The following EDA variants were observed in gnomAD, a reference collection of about 807,000 sequenced individuals.
EDA encodes the protein ectodysplasin A.
A neutral mutation model predicts 23.6 loss-of-function variants in EDA; 2 were observed. That is an observed-to-expected ratio of 0.08 (90% confidence interval 0.03 to 0.27). The LOEUF (loss-of-function observed/expected upper bound fraction) is 0.27, where lower values mean the gene tolerates loss of function less well. Ranked by LOEUF, EDA falls within the 10% of genes least tolerant of loss-of-function variation. The probability of loss-of-function intolerance (pLI) is 1.00; values close to 1 mark genes in which losing one functional copy is unlikely to be tolerated. For missense variants in EDA, 229 were observed against 324.2 expected (o/e 0.71, Z 2.26); for synonymous variants, 131 against 132.0 (o/e 0.99, Z 0.05).
chrX:69,991,917 C>T (rs1423197886), intron 2 of EDA, among the ~76,000 whole-genome samples: 2 of 111,817 alleles, frequency 1.8e-5, no homozygotes, highest in Non-Finnish European at 3.8e-5. Context: ...GGCACTGCTG[C>T]TGCAAGAGAA....
chrX:69,932,097 G>A lies in EDA; in HGVS notation c.397-24930G>A, dbSNP rs2018606138. 3.6e-5 allele frequency among the ~76,000 whole-genome samples: 4 copies of A among 111,835 alleles called. 1 individual carries two copies. Among genetic ancestry groups the A allele is most frequent in the Admixed American group, 2.9e-4 (3 of 10,525 alleles). On this transcript the variant is annotated intron_variant, in intron 1 of 7. Transcript: ENST00000374552. ...AGAAAGAAGCCCGACAAAGTATCTT[G>A]TGTGATGCTATTTATATAAAATTCT...
At position 70,023,144 on chromosome X, in the gene EDA, A is replaced by C. The variant is rs1029542680; in HGVS notation, c.503-74A>C. 1.1e-5 allele frequency: 8 copies of C among 713,818 alleles called. No homozygotes were observed. The African/African-American group carries it at 1.7e-4, about 15-fold the overall frequency. 58.8% of individuals were successfully genotyped at this position (713,818 alleles called of 1,213,427 possible). On this transcript the variant is annotated intron_variant, in intron 2 of 7. Transcript: ENST00000374552. ...TTGCAGTGTCTTGGGGATCCCTCCT[A>C]GTGACTATCTTAGAAAATAAACATT...
In EDA at chrX:69,787,072, T is replaced by C. The variant is rs865899757; in HGVS notation, c.397-169955T>C. 5.4e-3 allele frequency among the ~76,000 whole-genome samples: 562 copies of C among 103,772 alleles called. 7 individuals are homozygous for C. The highest frequency in any genetic ancestry group is 0.019 in the African/African-American group (544 of 29,127). 90.1% of individuals were successfully genotyped at this position (103,772 alleles called of 115,157 possible). ...GGCCTTCTTTGTCTCTTTTGATCTT[T>C]GTTGGTTTGAAGTCTGTTTTATCAG... is the stretch of plus-strand genomic sequence containing the variant. On this transcript the variant is annotated intron_variant, in intron 1 of 7. Coordinates refer to ENST00000374552, the MANE Select transcript of EDA (RefSeq NM_001399.5).
At chrX:69,840,680 T>C (rs2016876035) in intron 1 of EDA, among the ~76,000 whole-genome samples, 1 of 112,316 alleles carries the variant, frequency 8.9e-6, no homozygotes, top group Admixed American at 9.5e-5. Context: ...CAAAATTCCA[T>C]GTACTAGATA....
chrX:69,919,627 A>G (rs1305502737), intron 1 of EDA, among the ~76,000 whole-genome samples: 1 of 111,940 alleles, frequency 8.9e-6, no homozygotes, highest in Non-Finnish European at 1.9e-5. Flanking sequence ...GCCATACAAG[A>G]GCCCTTCCTT....
At chrX:69,876,581 C>A (rs1251584557) in intron 1 of EDA, among the ~76,000 whole-genome samples, 1 of 111,667 alleles carries the variant, frequency 9.0e-6, no homozygotes, top group East Asian at 2.8e-4. Flanking sequence ...TCCCAGAGAT[C>A]TTTTTATAGT....
intron 1 of EDA, among the ~76,000 whole-genome samples, chrX:69,659,149 T>G (rs1397394086): frequency 1.8e-5 from 2 of 112,361 alleles, no homozygotes; most frequent in African/African-American, 6.5e-5. Context: ...CTCCATGTAT[T>G]AAATCAGAGT....
chrX:69,911,796 C>G (rs1158512211), intron 1 of EDA, among the ~76,000 whole-genome samples: 2 of 112,246 alleles, frequency 1.8e-5, no homozygotes, highest in African/African-American at 6.5e-5. Flanking sequence ...ATCAGCTGAG[C>G]CTTCAGTCAT....
chrX:69,894,342 T>C (rs1410341805), intron 1 of EDA, among the ~76,000 whole-genome samples: 1 of 111,858 alleles, frequency 8.9e-6, no homozygotes, highest in African/African-American at 3.3e-5. Context: ...GGTAAGGTGA[T>C]GCCTCTAGCT....
Position 70,034,335 on chromosome X carries a change from G to A in EDA, c.924+807G>A, listed in dbSNP as rs756952462. ...AAGGTGGGCTAACAAGCATCTGCTA[G>A]GCACACTGAGCACCCCGCTGTAGCT... On this transcript the variant is annotated intron_variant, in intron 7 of 7. Coordinates refer to ENST00000374552, the MANE Select transcript of EDA (RefSeq NM_001399.5). 3.8e-4 allele frequency among the ~76,000 whole-genome samples: 43 copies of A among 111,854 alleles called. 1 individual carries two copies. Among genetic ancestry groups the A allele is most frequent in the Admixed American group, 2.1e-3 (22 of 10,531 alleles).
chrX:69,917,946 C>A (rs2147661494), intron 1 of EDA, among the ~76,000 whole-genome samples: 1 of 110,224 alleles, frequency 9.1e-6, no homozygotes, highest in South Asian at 3.9e-4. Context: ...GCTTAGTAAC[C>A]ATTTGTTAAC....
In EDA at chrX:69,789,595, T is replaced by A. The variant is rs192135044; in HGVS notation, c.397-167432T>A. Among the ~76,000 whole-genome samples, 125 of 112,260 alleles carry A rather than the reference T, an allele frequency of 1.1e-3. 1 individual carries two copies. The highest frequency in any genetic ancestry group is 2.4e-3 in the Admixed American group (25 of 10,633). On this transcript the variant is annotated intron_variant, in intron 1 of 7. Transcript: ENST00000374552. ...ATTCCCAAACTCATTGTCCTTTACTTAGTCCTCATTCTTCATGAATTTGAT... is the reference window on the plus strand; with the variant it reads ...ATTCCCAAACTCATTGTCCTTTACTAAGTCCTCATTCTTCATGAATTTGAT...
rs183243858 is a variant in EDA, at chrX:70,023,213, T to C, written c.503-5T>C. Reference sequence around the variant, plus strand: ...ACTTAATTATCTATTTTATTTTTCTTATAGGCCCAGTTAAAAACAAGAAAA... The same window carrying C: ...ACTTAATTATCTATTTTATTTTTCTCATAGGCCCAGTTAAAAACAAGAAAA... On this transcript the variant is annotated splice_region_variant and splice_polypyrimidine_tract_variant and intron_variant, in intron 2 of 7. Transcript: ENST00000374552. The C allele has an allele frequency of 1.9e-5, 21 of 1,080,514 alleles. No individual in the cohort carries two copies. The highest frequency in any genetic ancestry group is 2.7e-5 in the Non-Finnish European group (21 of 781,714). 89.0% of individuals were successfully genotyped at this position (1,080,514 alleles called of 1,213,427 possible).
intron 2 of EDA, among the ~76,000 whole-genome samples, chrX:70,020,523 CA>C (rs2020018017): frequency 9.3e-6 from 1 of 107,879 alleles, no homozygotes; most frequent in Non-Finnish European, 1.9e-5. Flanking sequence ...CGCACCACTA[CA>C]CTCCAGCCTG....
chrX:69,849,080 TATACACACACACACACACAC>T (rs1375160272), intron 1 of EDA, among the ~76,000 whole-genome samples: 30,776 of 84,534 alleles, frequency 0.36, 4,435 homozygotes, highest in Middle Eastern at 0.62. Context: ...ACAAAGTCTA[TATACACACACACACACACAC>T]ACACACACAC....
At chrX:69,989,594 A>C in intron 2 of EDA, among the ~76,000 whole-genome samples, 1 of 111,954 alleles carries the variant, frequency 8.9e-6, no homozygotes, top group South Asian at 3.7e-4. Flanking sequence ...AATCCATAAT[A>C]AAAATTATCT....
intron 1 of EDA, among the ~76,000 whole-genome samples, chrX:69,626,417 T>C (rs1932388232): frequency 8.9e-6 from 1 of 111,913 alleles, no homozygotes; most frequent in Non-Finnish European, 1.9e-5. Flanking sequence ...ATGTCTGATG[T>C]GGTATAATGT....
At chrX:69,993,433 C>T (rs2019617413) in intron 2 of EDA, among the ~76,000 whole-genome samples, 1 of 111,435 alleles carries the variant, frequency 9.0e-6, no homozygotes, top group African/African-American at 3.3e-5. Context: ...AATTTACTGC[C>T]ATGGTCATTT....
intron 1 of EDA, among the ~76,000 whole-genome samples, chrX:69,790,221 T>C (rs1349435697): frequency 1.8e-5 from 2 of 110,267 alleles, no homozygotes; most frequent in African/African-American, 3.3e-5. Flanking sequence ...TTTTATATAT[T>C]ATTATTATTA....
Sources: gnomAD v4.1 joint callset for allele counts (sites outside exome capture counted in the v4.1 genomes callset) on GRCh38, gnomAD v4.1.1 for gene constraint, MANE v1.5 for transcripts, NCBI Gene and HGNC (gene_info 2026-07-23, HGNC 2026-07-21) for gene names.